The following PDE1A variants were observed in gnomAD, a reference collection of about 807,000 sequenced individuals.
PDE1A encodes phosphodiesterase 1A.
PDE1A carries 35 observed loss-of-function variants against 61.7 expected under a neutral mutation model. The observed-to-expected ratio is 0.57, with a 90% CI of 0.43 to 0.75. PDE1A has a LOEUF of 0.75. Ranked by LOEUF, PDE1A falls within the 30% of genes least tolerant of loss-of-function variation. PDE1A has a pLI of 0.00. For synonymous variants in PDE1A, 232 were observed against 213.2 expected (o/e 1.09, Z -0.77); for missense variants, 597 against 630.6 (o/e 0.95, Z 0.57).
exon 15 of PDE1A, chr2:182,141,373 A>G (rs1690220130): frequency 6.6e-6 from 1 of 152,220 alleles, no homozygotes; most frequent in African/African-American, 2.4e-5. Flanking sequence ...AAAAGTAACC[A>G]TGATGTACAT....
intron 1 of PDE1A, among the ~76,000 whole-genome samples, chr2:182,340,707 A>G (rs1698130048): frequency 6.6e-6 from 1 of 152,212 alleles, no homozygotes; most frequent in African/African-American, 2.4e-5. Context: ...CCCTGATGTT[A>G]AAACAGAAGG....
intron 2 of PDE1A, among the ~76,000 whole-genome samples, chr2:182,488,602 C>A (rs976051922): frequency 6.6e-6 from 1 of 152,100 alleles, no homozygotes; most frequent in Admixed American, 6.6e-5. Flanking sequence ...ACCTGTCTAT[C>A]TACTGAAGCC....
rs372492358 is a variant in PDE1A at position 182,321,857 on chromosome 2, A to G, written c.54-57443T>C. Among the ~76,000 whole-genome samples, 4 of 152,294 alleles carry G rather than the reference A, an allele frequency of 2.6e-5. No homozygotes were observed. The South Asian group carries it at 8.3e-4, about 32-fold the overall frequency. On this transcript the variant is annotated intron_variant, in intron 1 of 13. Coordinates refer to ENST00000351439, the Ensembl canonical transcript of PDE1A. ...TTAAGCTTCCACGTAAGATTTTTAT[A>G]TAAGGGAAGAGTTTCATGGCTAGGA...
At chr2:182,680,477 G>A in the PDE1A span, among the ~76,000 whole-genome samples, 10 of 151,570 alleles carry the variant, frequency 6.6e-5, no homozygotes, top group Non-Finnish European at 1.0e-4. Flanking sequence ...TTTTAAGATG[G>A]GAATTTAATA....
At chr2:182,698,139 G>A in the PDE1A span, among the ~76,000 whole-genome samples, 1 of 152,194 alleles carries the variant, frequency 6.6e-6, no homozygotes, top group Non-Finnish European at 1.5e-5. Context: ...ATAAGTAACA[G>A]AATACCAGCT....
At chr2:182,306,314 T>C (rs760299713) in intron 1 of PDE1A, among the ~76,000 whole-genome samples, 3 of 152,156 alleles carry the variant, frequency 2.0e-5, no homozygotes, top group Non-Finnish European at 4.4e-5. Flanking sequence ...GATATCTCTT[T>C]GACATACTGA....
the PDE1A span, among the ~76,000 whole-genome samples, chr2:182,638,801 C>G: frequency 8.6e-3 from 1,302 of 152,252 alleles, 11 homozygotes; most frequent in Middle Eastern, 0.037. Context: ...TAGGGGCTCG[C>G]ACTGAGATGA....
the PDE1A span, among the ~76,000 whole-genome samples, chr2:182,596,453 C>T: frequency 1.3e-5 from 2 of 152,204 alleles, no homozygotes; most frequent in African/African-American, 4.8e-5. Context: ...CCAGCCACAT[C>T]GCAAGGGGAG....
chr2:182,186,747 T>C (rs1009494402), intron 11 of PDE1A, among the ~76,000 whole-genome samples, 159 bp from the exon 12 acceptor site: 20 of 152,222 alleles, frequency 1.3e-4, no homozygotes, highest in African/African-American at 4.1e-4. Flanking sequence ...TTTAATCTAA[T>C]AACAGTCTTT....
chr2:182,178,653 A>G (rs3769801), intron 13 of PDE1A, among the ~76,000 whole-genome samples: 113,401 of 151,906 alleles, frequency 0.75, 42,570 homozygotes, highest in East Asian at 0.91. Flanking sequence ...TGTTCTCAGC[A>G]TGCAAGGAAT....
At chr2:182,541,807 T>G in the PDE1A span, among the ~76,000 whole-genome samples, 1 of 152,214 alleles carries the variant, frequency 6.6e-6, no homozygotes, top group African/African-American at 2.4e-5. Flanking sequence ...TAGCCATGCA[T>G]GTTTGCAGGC....
chr2:182,663,401 T>G, the PDE1A span, among the ~76,000 whole-genome samples: 1 of 152,216 alleles, frequency 6.6e-6, no homozygotes, highest in African/African-American at 2.4e-5. Flanking sequence ...CTATTAATAA[T>G]AGCAAAGACA....
At chr2:182,596,378 A>G in the PDE1A span, among the ~76,000 whole-genome samples, 11 of 152,168 alleles carry the variant, frequency 7.2e-5, 1 homozygote, top group African/African-American at 2.7e-4. Flanking sequence ...TGAGGCACAC[A>G]TGAGACATAC....
chr2:182,633,966 G>A, the PDE1A span, among the ~76,000 whole-genome samples: 1 of 152,060 alleles, frequency 6.6e-6, no homozygotes, highest in African/African-American at 2.4e-5. Context: ...GTGTGCGCCT[G>A]TAGTCCCAGC....
the PDE1A span, among the ~76,000 whole-genome samples, chr2:182,658,063 A>C: frequency 7.9e-4 from 91 of 115,874 alleles, no homozygotes; most frequent in Middle Eastern, 0.017. Context: ...AAAAAAAAAA[A>C]AAAAAAAAAC....
the PDE1A span, among the ~76,000 whole-genome samples, chr2:182,574,037 C>G: frequency 6.6e-6 from 1 of 150,668 alleles, no homozygotes; most frequent in Non-Finnish European, 1.5e-5. Flanking sequence ...TTACAAGGCC[C>G]CACGATAGGC....
intron 1 of PDE1A, among the ~76,000 whole-genome samples, chr2:182,388,823 A>C (rs1269604210): frequency 1.3e-5 from 2 of 152,038 alleles, no homozygotes; most frequent in Non-Finnish European, 2.9e-5. Flanking sequence ...AAATGAAATA[A>C]AGACCAGAAA....
At chr2:182,457,190 C>A (rs1158904790) in intron 2 of PDE1A, among the ~76,000 whole-genome samples, 1 of 151,952 alleles carries the variant, frequency 6.6e-6, no homozygotes, top group African/African-American at 2.4e-5. Context: ...CTGATTCAGA[C>A]AATATAAGGA....
intron 1 of PDE1A, among the ~76,000 whole-genome samples, chr2:182,406,713 C>T (rs1025277107): frequency 6.6e-6 from 1 of 151,828 alleles, no homozygotes; most frequent in Non-Finnish European, 1.5e-5. Context: ...AAAAGAAATG[C>T]AGGCAGTAAA....
Sources: allele counts gnomAD v4.1 joint callset (sites outside exome capture counted in the v4.1 genomes callset), GRCh38; gene constraint gnomAD v4.1.1; transcripts MANE v1.5; gene names NCBI Gene and HGNC (gene_info 2026-07-23, HGNC 2026-07-21).